The following UBXN8 variants were observed in gnomAD, a reference collection of about 807,000 sequenced individuals.
UBXN8 encodes the protein UBX domain protein 8, also known as UBX domain-containing protein 8.
UBXN8 carries 27 observed loss-of-function variants against 32.1 expected under a neutral mutation model. The ratio of observed to expected loss-of-function variants is 0.84; its 90% CI spans 0.62 to 1.16. The LOEUF (loss-of-function observed/expected upper bound fraction) is 1.16, where lower values mean the gene tolerates loss of function less well. UBXN8 is among the 50% of genes most tolerant of loss of function. UBXN8 has a pLI of 0.00. For synonymous variants in UBXN8, 109 were observed against 111.8 expected (o/e 0.98, Z 0.16); for missense variants, 306 against 311.4 (o/e 0.98, Z 0.13).
chr8:30,759,459 T>C (rs1805765930), intron 5 of UBXN8, among the ~76,000 whole-genome samples: 1 of 151,198 alleles, frequency 6.6e-6, no homozygotes, highest in Non-Finnish European at 1.5e-5. Flanking sequence ...GGTCTCAAAC[T>C]CCTGACCTCA....
intron 7 of UBXN8, among the ~76,000 whole-genome samples, chr8:30,763,940 G>A (rs1377236550): frequency 4.6e-5 from 7 of 152,052 alleles, no homozygotes; most frequent in Non-Finnish European, 1.0e-4. Flanking sequence ...GCAATGAGCC[G>A]AGATCATGCC....
chr8:30,754,956 G>A (rs549841322), intron 4 of UBXN8, among the ~76,000 whole-genome samples, 169 bp downstream of exon 4: 1 of 129,644 alleles, frequency 7.7e-6, no homozygotes, highest in African/African-American at 2.8e-5. Context: ...GGGGTTGGTC[G>A]TTTTTTTTTT....
upstream of UBXN8, among the ~76,000 whole-genome samples, chr8:30,742,440 T>C (rs928941761): frequency 2.0e-5 from 3 of 152,104 alleles, no homozygotes; most frequent in Non-Finnish European, 2.9e-5. Flanking sequence ...AGACTTGACC[T>C]CCTGGGCTCA....
intron 1 of UBXN8, among the ~76,000 whole-genome samples, chr8:30,736,720 G>A (rs1268518174): frequency 1.3e-5 from 2 of 152,086 alleles, no homozygotes; most frequent in African/African-American, 4.8e-5. Flanking sequence ...TGATCCACTC[G>A]CCTTGGCCTC....
chr8:30,751,014 C>T (rs1805507516), intron 1 of UBXN8, among the ~76,000 whole-genome samples: 1 of 152,058 alleles, frequency 6.6e-6, no homozygotes, highest in African/African-American at 2.4e-5. Flanking sequence ...GGAGCATAGA[C>T]TGTATGCAAA....
chr8:30,731,566 A>G (rs1219451747), upstream of UBXN8, among the ~76,000 whole-genome samples: 3 of 152,102 alleles, frequency 2.0e-5, no homozygotes, highest in East Asian at 5.8e-4. Context: ...CCGGAACGGG[A>G]GTCATTATGA....
At chr8:30,764,248 T>C (rs28558971) in intron 7 of UBXN8, among the ~76,000 whole-genome samples, 2,273 of 152,352 alleles carry the variant, frequency 0.015, 54 homozygotes, top group African/African-American at 0.05. Context: ...TGGAAAATAC[T>C]GGATTTGACT....
chr8:30,762,516 C>T (rs980723796), intron 6 of UBXN8, among the ~76,000 whole-genome samples: 7 of 152,172 alleles, frequency 4.6e-5, no homozygotes, highest in Non-Finnish European at 1.0e-4. Context: ...CCTCAGCCTC[C>T]TGAGTAGCTA....
intron 1 of UBXN8, among the ~76,000 whole-genome samples, chr8:30,738,243 G>C (rs567803339): frequency 6.6e-6 from 1 of 152,230 alleles, no homozygotes; most frequent in South Asian, 2.1e-4. Flanking sequence ...TAACAGCTGG[G>C]TGCAATGACA....
intron 1 of UBXN8, among the ~76,000 whole-genome samples, chr8:30,746,515 A>ATTTTTTTTTTTTT: frequency 8.2e-6 from 1 of 121,398 alleles, no homozygotes; most frequent in Non-Finnish European, 1.7e-5. Context: ...CTTAAGCTAG[A>ATTTTTTTTTTTTT]TTTTTTTTTT....
At position 30,763,323 on chromosome 8, in the gene UBXN8, GT is replaced by G. The variant is rs11388922; in HGVS notation, c.626del (p.Leu209Ter). 3.5e-4 allele frequency: 571 copies of G among 1,613,824 alleles called. 3 individuals are homozygous for G. In the African/African-American group the frequency reaches 7.0e-3, roughly 20 times the overall value. ...CCAGTGGGAATGTCCTGAGGAGAAG[GT>G]TTTTGAAGTCCTACAGCTCACAGGT... ...CPSGNVLRRR[F>X]LKSYSSQVLF... On this transcript the variant is annotated frameshift_variant, in exon 7 of 8. Transcript: ENST00000265616. LOFTEE classifies it high-confidence loss of function.
At chr8:30,756,089 A>G (rs1273314118) in intron 4 of UBXN8, 1 of 151,168 alleles carries the variant, frequency 6.6e-6, no homozygotes. Context: ...CAATGGCACC[A>G]TCTCAGCTCA....
intron 6 of UBXN8, among the ~76,000 whole-genome samples, chr8:30,762,753 C>T (rs1805868753): frequency 6.6e-6 from 1 of 152,098 alleles, no homozygotes; most frequent in African/African-American, 2.4e-5. Flanking sequence ...TCTAAAACCA[C>T]CACTTATGCC....
intron 1 of UBXN8, chr8:30,734,033 G>A (rs1482475143): frequency 6.6e-6 from 1 of 152,234 alleles, no homozygotes; most frequent in Non-Finnish European, 1.5e-5. Flanking sequence ...AAAGTAGTAA[G>A]TGCAGCTTCG....
intron 6 of UBXN8, 53 bp downstream of exon 6, chr8:30,760,982 T>A: frequency 1.6e-6 from 2 of 1,274,062 alleles, no homozygotes; most frequent in Non-Finnish European, 2.2e-6. Flanking sequence ...TTTCTTTGCT[T>A]AACATCCATT....
At chr8:30,752,315 A>C (rs1005584734) in intron 2 of UBXN8, among the ~76,000 whole-genome samples, 3 of 150,770 alleles carry the variant, frequency 2.0e-5, no homozygotes, top group Non-Finnish European at 4.4e-5. Context: ...GCTTGTTTTT[A>C]GTTTTTTAAT....
At position 30,758,882 on chromosome 8, in the gene UBXN8, T is replaced by G. The variant is rs532543557; in HGVS notation, c.528+1995T>G. On this transcript the variant is annotated intron_variant, in intron 5 of 7. Coordinates refer to ENST00000265616, the MANE Select transcript of UBXN8 (RefSeq NM_005671.4). Reference sequence around the variant, plus strand: ...TCATTGGTAACAAATGTTTTTTTTGTTTGTTTTTTTTGTTTTTTTTTTTTT... The same window carrying G: ...TCATTGGTAACAAATGTTTTTTTTGGTTGTTTTTTTTGTTTTTTTTTTTTT... 1.1e-3 allele frequency among the ~76,000 whole-genome samples: 124 copies of G among 115,784 alleles called. 1 individual carries two copies. Among genetic ancestry groups the G allele is most frequent in the African/African-American group, 3.8e-3 (110 of 28,966 alleles). The allele number at this position is 115,784 out of a possible 152,430, so 76.0% of individuals were successfully genotyped here.
intron 5 of UBXN8, among the ~76,000 whole-genome samples, chr8:30,760,443 A>ATATATTTTTTTTTT (rs1196366158): frequency 1.1e-5 from 1 of 91,118 alleles, no homozygotes; most frequent in African/African-American, 5.1e-5. Context: ...ATATATATAT[A>ATATATTTTTTTTTT]TTTTTTTTTT....
intron 1 of UBXN8, among the ~76,000 whole-genome samples, chr8:30,747,768 A>G (rs116558169): frequency 0.012 from 1,735 of 139,236 alleles, 337 homozygotes; most frequent in African/African-American, 0.046. Flanking sequence ...TTAAAGTCAT[A>G]CTTCTTCTCT....
Sources: allele counts gnomAD v4.1 joint callset (sites outside exome capture counted in the v4.1 genomes callset), GRCh38; gene constraint gnomAD v4.1.1; transcripts MANE v1.5; gene names NCBI Gene and HGNC (gene_info 2026-07-23, HGNC 2026-07-21).